Variants in MMAA observed in about 807,000 individuals in gnomAD.
MMAA encodes metabolism of cobalamin associated A, also known as methylmalonic aciduria type A protein, mitochondrial.
Under a neutral mutation model 45.0 loss-of-function variants are expected in MMAA, and 41 were observed. The observed-to-expected ratio is 0.91, with a 90% CI of 0.71 to 1.18. The LOEUF is 1.18. MMAA is among the 50% of genes most tolerant of loss of function. The probability of loss-of-function intolerance (pLI) is 0.00; values close to 1 mark genes in which losing one functional copy is unlikely to be tolerated. For synonymous variants in MMAA, 154 were observed against 178.2 expected (o/e 0.86, Z 1.08); for missense variants, 460 against 495.7 (o/e 0.93, Z 0.68).
At chr4:145,626,001 C>T in intron 1 of MMAA, 1 of 1,419,430 alleles carries the variant, frequency 7.0e-7, no homozygotes, top group Non-Finnish European at 9.9e-7. Flanking sequence ...TTCTCTATTA[C>T]TGGAGCTGCC....
intron 1 of MMAA, among the ~76,000 whole-genome samples, chr4:145,626,279 A>G (rs1734205018): frequency 6.6e-6 from 1 of 152,226 alleles, no homozygotes; most frequent in African/African-American, 2.4e-5. Flanking sequence ...TCTGCCTGTG[A>G]CAGTATATAA....
At position 145,626,305 on chromosome 4, in the gene MMAA, C is replaced by T. The variant is rs575534311; in HGVS notation, c.-66+6898C>T. 4.6e-5 allele frequency among the ~76,000 whole-genome samples: 7 copies of T among 152,282 alleles called. No homozygotes were observed. In the South Asian group the frequency reaches 1.2e-3, roughly 27 times the overall value. On this transcript the variant is annotated intron_variant, in intron 1 of 6. Transcript: ENST00000649156. Reference sequence around the variant, plus strand: ...CAGTATATAAAGGTAGAAAGCTGCTCATACAAGGCTGAGTTATATTGGCTC... The same window carrying T: ...CAGTATATAAAGGTAGAAAGCTGCTTATACAAGGCTGAGTTATATTGGCTC...
rs1727700274 is a variant in MMAA, at chr4:145,639,057, T to C, written c.-65-18T>C. 7.8e-7 allele frequency: 1 copy of C among 1,278,436 alleles called. No homozygotes were observed. The highest frequency in any genetic ancestry group is 1.1e-6 in the Non-Finnish European group (1 of 876,390). The allele number at this position is 1,278,436 out of a possible 1,614,324, so 79.2% of individuals were successfully genotyped here. A position where few individuals can be genotyped will look rare whatever the true frequency, so the allele number is the denominator to read the frequency against. On this transcript the variant is annotated intron_variant, in intron 1 of 6. Coordinates refer to ENST00000649156, the MANE Select transcript of MMAA (RefSeq NM_172250.3). ...TAGTTATATATCGAACTGGCTAACA[T>C]GTTTTTCTTTCTTCTAGGGAGGTCA... is the stretch of plus-strand genomic sequence containing the variant.
intron 1 of MMAA, among the ~76,000 whole-genome samples, chr4:145,638,165 C>T (rs937432632): frequency 4.6e-5 from 7 of 151,930 alleles, no homozygotes; most frequent in Admixed American, 1.3e-4. Flanking sequence ...GTCAGGAGAT[C>T]GAGAGCGTCC....
chr4:145,657,964 C>T lies in MMAA; in HGVS notation c.*2530C>T. 6.6e-6 allele frequency: 1 copy of T among 152,216 alleles called. No homozygotes were observed. The highest frequency in any genetic ancestry group is 1.9e-4 in the East Asian group (1 of 5,196). 9.4% of individuals were successfully genotyped at this position (152,216 alleles called of 1,614,324 possible). On this transcript the variant is annotated 3_prime_UTR_variant, in exon 7 of 7. Coordinates refer to ENST00000649156, the MANE Select transcript of MMAA (RefSeq NM_172250.3). ...TCAGATCTCTCATGAATGACTTGGG[C>T]CATCCTTTGGGTGGTAAGTGAGCTC...
intron 3 of MMAA, among the ~76,000 whole-genome samples, chr4:145,643,901 T>C (rs1316649949): frequency 6.6e-6 from 1 of 152,158 alleles, no homozygotes; most frequent in Non-Finnish European, 1.5e-5. Flanking sequence ...CATAGCTATG[T>C]GTTTCCTAAC....
chr4:145,625,108 C>T, intron 1 of MMAA: 1 of 1,055,292 alleles, frequency 9.5e-7, no homozygotes, highest in South Asian at 1.3e-5. Flanking sequence ...GAGTCACTAG[C>T]CAATCTGATA....
At position 145,656,997 on chromosome 4, in the gene MMAA, A is replaced by C. The variant is rs1246685838; in HGVS notation, c.*1563A>C. On this transcript the variant is annotated 3_prime_UTR_variant, in exon 7 of 7. Coordinates refer to ENST00000649156, the MANE Select transcript of MMAA (RefSeq NM_172250.3). Reference sequence around the variant, plus strand: ...CTACCATTAAACCACCCTATCAGACAAAAAAAACTGGTTTTTAGAAACCTG... The same window carrying C: ...CTACCATTAAACCACCCTATCAGACCAAAAAAACTGGTTTTTAGAAACCTG... 3 of 151,892 alleles carry C rather than the reference A, an allele frequency of 2.0e-5. No homozygotes were observed. Among genetic ancestry groups the C allele is most frequent in the Non-Finnish European group, 4.4e-5 (3 of 67,966 alleles). The allele number at this position is 151,892 out of a possible 1,614,324, so 9.4% of individuals were successfully genotyped here. A position where few individuals can be genotyped will look rare whatever the true frequency, so the allele number is the denominator to read the frequency against.
At position 145,657,350 on chromosome 4, in the gene MMAA, AG is replaced by A. The variant is rs1289393902; in HGVS notation, c.*1918del. Reference sequence around the variant, plus strand: ...CTGTTTCTGTTATTTGCTATACTGGAGGTAATATAATAATAATGAAATATAG... The same window carrying A: ...CTGTTTCTGTTATTTGCTATACTGGAGTAATATAATAATAATGAAATATAG... On this transcript the variant is annotated 3_prime_UTR_variant, in exon 7 of 7. Coordinates refer to ENST00000649156, the MANE Select transcript of MMAA (RefSeq NM_172250.3). The A allele has an allele frequency of 6.6e-6, 1 of 152,024 alleles. No individual in the cohort carries two copies. Among genetic ancestry groups the A allele is most frequent in the Non-Finnish European group, 1.5e-5 (1 of 67,994 alleles). The allele number at this position is 152,024 out of a possible 1,614,324, so 9.4% of individuals were successfully genotyped here. A position where few individuals can be genotyped will look rare whatever the true frequency, so the allele number is the denominator to read the frequency against.
chr4:145,624,129 A>G (rs1442521208), intron 1 of MMAA: 1 of 1,127,286 alleles, frequency 8.9e-7, no homozygotes, highest in South Asian at 1.2e-5. Context: ...GATAATCAGC[A>G]GAAAGGCTGC....
intron 5 of MMAA, 76 bp from the exon 6 acceptor site, chr4:145,653,918 G>A: frequency 6.8e-7 from 1 of 1,467,858 alleles, no homozygotes; most frequent in Non-Finnish European, 9.5e-7. Context: ...TGAAATGTAT[G>A]ACTTTCAAAA....
chr4:145,640,572 A>C (rs56824780), intron 2 of MMAA, among the ~76,000 whole-genome samples: 43,129 of 151,522 alleles, frequency 0.28, 7,211 homozygotes, highest in African/African-American at 0.46. Flanking sequence ...CCAGGCTGGT[A>C]TCAAACTCCT....
intron 1 of MMAA, among the ~76,000 whole-genome samples, chr4:145,623,995 T>TTA (rs1734143692): frequency 6.6e-6 from 1 of 152,174 alleles, no homozygotes. Context: ...AAACAGTAAC[T>TTA]TATAATCTGA....
chr4:145,621,362 C>T (rs757927832), intron 1 of MMAA, among the ~76,000 whole-genome samples: 1 of 152,046 alleles, frequency 6.6e-6, no homozygotes, highest in Non-Finnish European at 1.5e-5. Context: ...ACATTTAAGC[C>T]TAAAAGTAGG....
chr4:145,624,110 A>T, intron 1 of MMAA: 1 of 1,109,430 alleles, frequency 9.0e-7, no homozygotes, highest in Non-Finnish European at 1.4e-6. Flanking sequence ...CACTCAGCTC[A>T]TGATGTGTGA....
chr4:145,622,979 A>C (rs2126605946), intron 1 of MMAA, among the ~76,000 whole-genome samples: 1 of 152,364 alleles, frequency 6.6e-6, no homozygotes, highest in South Asian at 2.1e-4. Context: ...TAATAGTTTC[A>C]AAGTCTGGAA....
intron 4 of MMAA, among the ~76,000 whole-genome samples, chr4:145,649,552 G>A (rs962850246): frequency 1.3e-5 from 2 of 152,174 alleles, no homozygotes; most frequent in Non-Finnish European, 2.9e-5. Flanking sequence ...AGCTGAATTA[G>A]CCATCTTTAA....
At chr4:145,636,312 C>T (rs1727606664) in intron 1 of MMAA, among the ~76,000 whole-genome samples, 1 of 152,232 alleles carries the variant, frequency 6.6e-6, no homozygotes, top group African/African-American at 2.4e-5. Flanking sequence ...AGGTCCTCAT[C>T]ATCTCCTTTG....
At chr4:145,638,051 G>C (rs1230321486) in intron 1 of MMAA, among the ~76,000 whole-genome samples, 1 of 152,170 alleles carries the variant, frequency 6.6e-6, no homozygotes, top group African/African-American at 2.4e-5. Context: ...ATTTGAAGTA[G>C]AGAATATCAG....
Sources: gnomAD v4.1 joint callset for allele counts (sites outside exome capture counted in the v4.1 genomes callset) on GRCh38, gnomAD v4.1.1 for gene constraint, MANE v1.5 for transcripts, NCBI Gene and HGNC (gene_info 2026-07-23, HGNC 2026-07-21) for gene names.